The following NRXN3 variants were observed in gnomAD, a reference collection of about 807,000 sequenced individuals.
The protein encoded by NRXN3 is neurexin 3.
In NRXN3, 32 loss-of-function variants were observed where a neutral mutation model predicts 137.6. The ratio of observed to expected loss-of-function variants is 0.23; its 90% CI spans 0.18 to 0.31. The LOEUF (loss-of-function observed/expected upper bound fraction) is 0.31, where lower values mean the gene tolerates loss of function less well. NRXN3 is among the 10% of genes least tolerant of loss of function. The pLI, the probability that NRXN3 is intolerant of heterozygous loss-of-function variation, is 1.00. For synonymous variants in NRXN3, 798 were observed against 784.5 expected, an observed-to-expected ratio of 1.02 and a Z score of -0.29; for missense variants, 1,574 against 2,062.5, an observed-to-expected ratio of 0.76 and a Z score of 4.59.
At chr14:79,297,179 T>A (rs2084325587) in intron 15 of NRXN3, among the ~76,000 whole-genome samples, 1 of 152,238 alleles carries the variant, frequency 6.6e-6, no homozygotes. Flanking sequence ...TCTCATAACC[T>A]TCTAGAACTC....
At chr14:78,862,561 C>G (rs1037799760) in intron 10 of NRXN3, among the ~76,000 whole-genome samples, 2 of 152,038 alleles carry the variant, frequency 1.3e-5, no homozygotes, top group Non-Finnish European at 2.9e-5. Context: ...TATTAAATCT[C>G]TAATTCGTAT....
intron 4 of NRXN3, among the ~76,000 whole-genome samples, chr14:78,556,710 A>C (rs1020469441): frequency 3.9e-5 from 6 of 152,134 alleles, no homozygotes; most frequent in African/African-American, 1.4e-4. Context: ...TTGCACTAGA[A>C]AAAGGAAAGT....
chr14:79,534,573 A>G (rs1175426797), intron 16 of NRXN3, among the ~76,000 whole-genome samples: 4 of 152,150 alleles, frequency 2.6e-5, no homozygotes, highest in Non-Finnish European at 5.9e-5. Flanking sequence ...AAACTCTCCT[A>G]GGGGAACATA....
At chr14:78,826,093 A>G (rs755918051) in intron 10 of NRXN3, among the ~76,000 whole-genome samples, 55 of 152,242 alleles carry the variant, frequency 3.6e-4, no homozygotes, top group Non-Finnish European at 6.3e-4. Context: ...CAATTGTCAC[A>G]TGTATTAGAT....
At chr14:78,458,319 G>A (rs1225446794) in intron 4 of NRXN3, among the ~76,000 whole-genome samples, 1 of 152,172 alleles carries the variant, frequency 6.6e-6, no homozygotes, top group South Asian at 2.1e-4. Flanking sequence ...TTCCAACAGG[G>A]ACTCTTAGGT....
At chr14:78,232,256 A>G (rs1395950108) in intron 1 of NRXN3, among the ~76,000 whole-genome samples, 1 of 152,150 alleles carries the variant, frequency 6.6e-6, no homozygotes, top group East Asian at 1.9e-4. Context: ...TGTTCTCCTC[A>G]CCAGCTCTGG....
chr14:79,271,705 C>CCAAGTGAA (rs2079358507), intron 15 of NRXN3, among the ~76,000 whole-genome samples: 1 of 151,882 alleles, frequency 6.6e-6, no homozygotes, highest in African/African-American at 2.4e-5. Context: ...GGTTTAAGTG[C>CCAAGTGAA]CAAGTGAACG....
chr14:79,753,227 C>A (rs1037650012), intron 19 of NRXN3, among the ~76,000 whole-genome samples: 1 of 151,846 alleles, frequency 6.6e-6, no homozygotes, highest in Non-Finnish European at 1.5e-5. Context: ...TGGGTATATA[C>A]CCAAAGGACT....
chr14:78,935,364 T>C (rs2099333608), intron 10 of NRXN3, among the ~76,000 whole-genome samples: 1 of 152,204 alleles, frequency 6.6e-6, no homozygotes, highest in Middle Eastern at 3.2e-3. Flanking sequence ...GCTAGTCATT[T>C]CCATGTATAG....
At chr14:78,842,342 C>G (rs1226131945) in intron 10 of NRXN3, among the ~76,000 whole-genome samples, 2 of 151,900 alleles carry the variant, frequency 1.3e-5, no homozygotes, top group Non-Finnish European at 2.9e-5. Context: ...GGGGAGACAT[C>G]ACATATCGGC....
At chr14:78,994,418 T>C (rs1487107795) in intron 15 of NRXN3, among the ~76,000 whole-genome samples, 2 of 152,196 alleles carry the variant, frequency 1.3e-5, no homozygotes, top group African/African-American at 4.8e-5. Context: ...TCCCAACTTC[T>C]TTCAATAGAA....
intron 10 of NRXN3, 128 bp from the exon 11 acceptor site, chr14:78,957,114 G>A (rs2099398302): frequency 2.0e-6 from 2 of 991,764 alleles, no homozygotes; most frequent in Admixed American, 4.8e-5. Context: ...AATTCGAATG[G>A]ACTTTGGGTG....
At chr14:78,739,500 G>C (rs952240118) in intron 8 of NRXN3, among the ~76,000 whole-genome samples, 1 of 152,142 alleles carries the variant, frequency 6.6e-6, no homozygotes, top group Non-Finnish European at 1.5e-5. Context: ...TTGAGACGGA[G>C]TTTCATTGTT....
chr14:79,504,365 A>T (rs77302512), intron 16 of NRXN3, among the ~76,000 whole-genome samples: 3,612 of 152,068 alleles, frequency 0.024, 106 homozygotes, highest in East Asian at 0.12. Context: ...ATCTATTTTA[A>T]TGTTCCGTCA....
intron 15 of NRXN3, among the ~76,000 whole-genome samples, chr14:79,462,769 C>G (rs1003329585): frequency 6.8e-6 from 1 of 147,438 alleles, no homozygotes; most frequent in Non-Finnish European, 1.5e-5. Context: ...TATTTTTTAA[C>G]TGAACCTTTT....
At chr14:79,562,847 T>C (rs546110420) in intron 16 of NRXN3, among the ~76,000 whole-genome samples, 3 of 152,332 alleles carry the variant, frequency 2.0e-5, no homozygotes, top group East Asian at 3.9e-4. Flanking sequence ...TCTTGATGGG[T>C]TTAATGTTTT....
Position 79,645,300 on chromosome 14 carries a change from A to T in NRXN3, c.3445-18478A>T. Among the ~76,000 whole-genome samples the T allele has an allele frequency of 1.5e-5, 2 of 135,272 alleles. 1 individual carries two copies. Among genetic ancestry groups the T allele is most frequent in the Non-Finnish European group, 3.4e-5 (2 of 58,300 alleles). 88.7% of individuals were successfully genotyped at this position (135,272 alleles called of 152,430 possible). ...CTTGATAGCTGCCACCATCCATTTC[A>T]TTCCTGGGACTGAGCCTCAGCACAA... On this transcript the variant is annotated intron_variant, in intron 16 of 20. Transcript: ENST00000335750.
In NRXN3 at chr14:79,735,504, G is replaced by A. The variant is rs140407681; in HGVS notation, c.4014+37567G>A. ...AAAAGGAAAAATTTTAGGAGGATTTGTTCAGCTGTCTTCTGAGTTATGAAA... is the reference window on the plus strand; with the variant it reads ...AAAAGGAAAAATTTTAGGAGGATTTATTCAGCTGTCTTCTGAGTTATGAAA... On this transcript the variant is annotated intron_variant, in intron 19 of 20. Transcript: ENST00000335750. Among the ~76,000 whole-genome samples, 1,002 of 152,244 alleles carry A rather than the reference G, an allele frequency of 6.6e-3. 7 individuals are homozygous for A. The highest frequency in any genetic ancestry group is 0.023 in the African/African-American group (964 of 41,544).
chr14:78,882,597 C>G (rs753506520), intron 10 of NRXN3, among the ~76,000 whole-genome samples: 1 of 151,704 alleles, frequency 6.6e-6, no homozygotes, highest in Non-Finnish European at 1.5e-5. Flanking sequence ...CAATTTCTCC[C>G]ATTTGGAATG....
Sources: gnomAD v4.1 joint callset for allele counts (sites outside exome capture counted in the v4.1 genomes callset) on GRCh38, gnomAD v4.1.1 for gene constraint, MANE v1.5 for transcripts, NCBI Gene and HGNC (gene_info 2026-07-23, HGNC 2026-07-21) for gene names.